Variants in WWOX observed in about 807,000 individuals in gnomAD.
The protein encoded by WWOX is WW domain-containing oxidoreductase.
A neutral mutation model predicts 46.2 loss-of-function variants in WWOX; 69 were observed. That is an observed-to-expected ratio of 1.49 (90% CI 1.23 to 1.82). WWOX has a LOEUF of 1.82. Among genes scored for constraint, WWOX ranks in the 40% most tolerant of loss-of-function variants. The pLI, the probability that WWOX is intolerant of heterozygous loss-of-function variation, is 0.00. For missense variants in WWOX, 919 were observed against 542.6 expected (o/e 1.69, Z -6.89); for synonymous variants, 359 against 202.6 (o/e 1.77, Z -6.56).
intron 8 of WWOX, among the ~76,000 whole-genome samples, chr16:78,859,135 T>C (rs1016306162): frequency 2.0e-5 from 3 of 146,738 alleles, no homozygotes; most frequent in African/African-American, 5.1e-5. Flanking sequence ...TCCTTGATGT[T>C]CTCGGGGTAA....
At chr16:78,527,680 T>A (rs1247196683) in intron 8 of WWOX, among the ~76,000 whole-genome samples, 1 of 151,964 alleles carries the variant, frequency 6.6e-6, no homozygotes, top group African/African-American at 2.4e-5. Flanking sequence ...TAACCCTGTT[T>A]AATAATGTAT....
In WWOX at chr16:78,788,857, C is replaced by G. The variant is rs80222418; in HGVS notation, c.1056+356105C>G. The stretch of plus-strand genomic sequence containing the variant: ...CTGAGCCTCCAACCTCCAACTAACT[C>G]CACGTAGACAGTGTCAGGATTGAAT... On this transcript the variant is annotated intron_variant, in intron 8 of 8. Transcript: ENST00000566780. Among the ~76,000 whole-genome samples the G allele has an allele frequency of 4.1e-3, 622 of 152,314 alleles. 7 individuals carry two copies. Among genetic ancestry groups the G allele is most frequent in the African/African-American group, 0.014 (571 of 41,554 alleles).
intron 8 of WWOX, among the ~76,000 whole-genome samples, chr16:78,683,308 C>T (rs1254871122): frequency 4.2e-5 from 5 of 119,716 alleles, no homozygotes; most frequent in East Asian, 2.9e-4. Flanking sequence ...CTCAGGAGGG[C>T]GGGTGGATTG....
intron 8 of WWOX, among the ~76,000 whole-genome samples, chr16:78,991,780 T>G (rs928121852): frequency 2.0e-5 from 3 of 152,108 alleles, no homozygotes; most frequent in African/African-American, 7.2e-5. Context: ...CATTTCCGTG[T>G]TCCCATAAGC....
chr16:78,508,884 A>T (rs560598810), intron 8 of WWOX, among the ~76,000 whole-genome samples: 118 of 152,290 alleles, frequency 7.7e-4, no homozygotes, highest in African/African-American at 2.7e-3. Flanking sequence ...TCTTTTCAGG[A>T]ATGCAGATAT....
At chr16:79,135,420 C>A (rs1004409134) in intron 8 of WWOX, among the ~76,000 whole-genome samples, 1 of 152,210 alleles carries the variant, frequency 6.6e-6, no homozygotes, top group East Asian at 1.9e-4. Context: ...TCTGTCTTCA[C>A]CATCATTTAC....
At chr16:78,827,625 G>T (rs1035412998) in intron 8 of WWOX, among the ~76,000 whole-genome samples, 17 of 151,532 alleles carry the variant, frequency 1.1e-4, no homozygotes, top group Admixed American at 2.0e-4. Flanking sequence ...CTGAGGTCAG[G>T]ACTTCGAGAC....
At chr16:79,140,356 G>C (rs935243077) in intron 8 of WWOX, among the ~76,000 whole-genome samples, 1 of 152,192 alleles carries the variant, frequency 6.6e-6, no homozygotes, top group Non-Finnish European at 1.5e-5. Context: ...GAGGGAGTTA[G>C]AATTGAATCG....
At chr16:78,694,467 G>T (rs1004409904) in intron 8 of WWOX, among the ~76,000 whole-genome samples, 1 of 152,092 alleles carries the variant, frequency 6.6e-6, no homozygotes, top group Admixed American at 6.5e-5. Context: ...CAGACACCAC[G>T]TCAGTCTTGC....
intron 6 of WWOX, among the ~76,000 whole-genome samples, chr16:78,416,614 G>C (rs1240204478): frequency 1.3e-5 from 2 of 152,182 alleles, no homozygotes; most frequent in African/African-American, 2.4e-5. Flanking sequence ...ATTTTCTTGA[G>C]AGAATGTACA....
At position 78,350,959 on chromosome 16, in the gene WWOX, C is replaced by T. The variant is rs545967982; in HGVS notation, c.517-35901C>T. ...ATTTCTCCATATCTTCACCAGCACT[C>T]GCTGTCATTTTTCTTTTTAGTCTTG... On this transcript the variant is annotated intron_variant, in intron 5 of 8. Transcript: ENST00000566780. Among the ~76,000 whole-genome samples, 9 of 56,402 alleles carry T rather than the reference C, an allele frequency of 1.6e-4. 4 individuals carry two copies. Among genetic ancestry groups the T allele is most frequent in the Admixed American group, 7.9e-4 (5 of 6,340 alleles). 37.0% of individuals were successfully genotyped at this position (56,402 alleles called of 152,430 possible).
rs79706011 is a variant in WWOX, at chr16:79,001,279, C to T, written c.1057-210329C>T. On this transcript the variant is annotated intron_variant, in intron 8 of 8. Coordinates refer to ENST00000566780, the MANE Select transcript of WWOX (RefSeq NM_016373.4). ...CCCAAGACAAAGGCCTCCCCGCCCC[C>T]CTAAATCCAGCACACAATCAGCTGC... Among the ~76,000 whole-genome samples, 19 of 152,204 alleles carry T rather than the reference C, an allele frequency of 1.2e-4. No homozygotes were observed. In the East Asian group the frequency reaches 3.1e-3, roughly 25 times the overall value.
Position 79,013,588 on chromosome 16 carries a change from C to G in WWOX, c.1057-198020C>G, listed in dbSNP as rs533859821. ...ACACTGCTCAGTGTACTGTCTTCCA[C>G]CGGGACAGCCCACTCACCAAGGGTT... On this transcript the variant is annotated intron_variant, in intron 8 of 8. Coordinates refer to ENST00000566780, the MANE Select transcript of WWOX (RefSeq NM_016373.4). 3.9e-5 allele frequency among the ~76,000 whole-genome samples: 6 copies of G among 152,282 alleles called. No homozygotes were observed. In the South Asian group the frequency reaches 1.2e-3, roughly 32 times the overall value.
At chr16:79,195,417 G>C (rs146715959) in intron 8 of WWOX, among the ~76,000 whole-genome samples, 2 of 152,144 alleles carry the variant, frequency 1.3e-5, no homozygotes, top group East Asian at 1.9e-4. Flanking sequence ...CTCCCTCCTG[G>C]AGTGCGTGTT....
chr16:78,259,865 T>C lies in WWOX; in HGVS notation c.516+95576T>C, dbSNP rs77825076. On this transcript the variant is annotated intron_variant, in intron 5 of 8. Coordinates refer to ENST00000566780, the MANE Select transcript of WWOX (RefSeq NM_016373.4). ...TCCACAAATTTATGTACAGTGATGT[T>C]TATGCTTATATTATTTATAGACTTT... Among the ~76,000 whole-genome samples the C allele has an allele frequency of 6.0e-3, 902 of 151,502 alleles. 34 individuals are homozygous for C. Among genetic ancestry groups the C allele is most frequent in the African/African-American group, 0.021 (865 of 41,186 alleles).
At chr16:78,200,024 A>G (rs911915476) in intron 5 of WWOX, among the ~76,000 whole-genome samples, 2 of 152,252 alleles carry the variant, frequency 1.3e-5, no homozygotes, top group Non-Finnish European at 1.5e-5. Context: ...GTCAATGTGC[A>G]ACCTAATTTT....
At chr16:79,124,566 A>G (rs962274212) in intron 8 of WWOX, among the ~76,000 whole-genome samples, 1 of 152,284 alleles carries the variant, frequency 6.6e-6, no homozygotes, top group Non-Finnish European at 1.5e-5. Context: ...CCCGAAGTGC[A>G]TTCCATGGCC....
At chr16:78,626,041 C>T (rs1283523716) in intron 8 of WWOX, among the ~76,000 whole-genome samples, 1 of 151,668 alleles carries the variant, frequency 6.6e-6, no homozygotes, top group Non-Finnish European at 1.5e-5. Context: ...TAAAGTCCAT[C>T]GTTTATCATA....
intron 8 of WWOX, among the ~76,000 whole-genome samples, chr16:79,105,170 C>G (rs1011738487): frequency 6.6e-6 from 1 of 152,166 alleles, no homozygotes; most frequent in African/African-American, 2.4e-5. Flanking sequence ...TGAACAGGAA[C>G]AGAACCAGCA....
Sources: gnomAD v4.1 joint callset for allele counts (sites outside exome capture counted in the v4.1 genomes callset) on GRCh38, gnomAD v4.1.1 for gene constraint, MANE v1.5 for transcripts, NCBI Gene and HGNC (gene_info 2026-07-23, HGNC 2026-07-21) for gene names.